The following OLFM3 variants were observed in gnomAD, a reference collection of about 807,000 sequenced individuals.
OLFM3 encodes olfactomedin 3.
Under a neutral mutation model 48.6 loss-of-function variants are expected in OLFM3, and 20 were observed. The ratio of observed to expected loss-of-function variants is 0.41; its 90% CI spans 0.29 to 0.60. The LOEUF (loss-of-function observed/expected upper bound fraction) is 0.60. OLFM3 is among the 20% of genes least tolerant of loss of function. The probability of loss-of-function intolerance (pLI) is 0.28; values close to 1 mark genes in which losing one functional copy is unlikely to be tolerated. For missense variants in OLFM3, 437 were observed against 544.3 expected (o/e 0.80, Z 1.96); for synonymous variants, 222 against 198.1 (o/e 1.12, Z -1.01).
intron 1 of OLFM3, among the ~76,000 whole-genome samples, chr1:101,856,290 G>A (rs1242285823): frequency 6.6e-6 from 1 of 151,954 alleles, no homozygotes; most frequent in Non-Finnish European, 1.5e-5. Context: ...ACAGTTTTAT[G>A]AGAGGTTGAC....
At chr1:101,949,869 G>A (rs976276955) in intron 1 of OLFM3, among the ~76,000 whole-genome samples, 3 of 147,192 alleles carry the variant, frequency 2.0e-5, no homozygotes. Context: ...GGCGGAGCTT[G>A]CAGTGAGCCG....
chr1:101,993,953 GAAAAA>G (rs11394644), intron 1 of OLFM3, among the ~76,000 whole-genome samples: 1 of 115,368 alleles, frequency 8.7e-6, no homozygotes, highest in Non-Finnish European at 1.9e-5. Flanking sequence ...TTCAGCGACA[GAAAAA>G]AAAAAAAAAG....
chr1:101,963,321 C>G lies in OLFM3; in HGVS notation c.69+33427G>C, dbSNP rs563541161. On this transcript the variant is annotated intron_variant, in intron 1 of 5. Coordinates refer to ENST00000370103, the MANE Select transcript of OLFM3 (RefSeq NM_058170.4). ...TCCAAAGCAGAAAATCAGCTTTTCCCTTGACCTCTAAATTCTTTTCAGGTG... is the reference window on the plus strand; with the variant it reads ...TCCAAAGCAGAAAATCAGCTTTTCCGTTGACCTCTAAATTCTTTTCAGGTG... Among the ~76,000 whole-genome samples the G allele has an allele frequency of 2.6e-3, 397 of 152,288 alleles. 3 individuals are homozygous for G. The highest frequency in any genetic ancestry group is 9.1e-3 in the African/African-American group (380 of 41,560).
intron 1 of OLFM3, among the ~76,000 whole-genome samples, chr1:101,890,122 A>T (rs890426123): frequency 6.6e-6 from 1 of 152,064 alleles, no homozygotes; most frequent in Admixed American, 6.6e-5. Context: ...GCTTTTAATG[A>T]TCTTGGAACA....
intron 1 of OLFM3, among the ~76,000 whole-genome samples, chr1:101,990,105 G>A (rs1288833403): frequency 6.6e-6 from 1 of 152,102 alleles, no homozygotes; most frequent in Non-Finnish European, 1.5e-5. Context: ...TCTTGATGCA[G>A]TTGGGCTTTG....
intron 2 of OLFM3, among the ~76,000 whole-genome samples, chr1:101,831,860 G>T (rs1353371673): frequency 6.6e-5 from 10 of 152,202 alleles, no homozygotes; most frequent in Non-Finnish European, 1.2e-4. Flanking sequence ...AAAAGCAAAT[G>T]TAAAGATCTT....
intron 1 of OLFM3, among the ~76,000 whole-genome samples, chr1:101,924,757 T>C (rs1303827644): frequency 6.6e-6 from 1 of 152,174 alleles, no homozygotes; most frequent in Non-Finnish European, 1.5e-5. Flanking sequence ...AACACTACAG[T>C]TCTGGAAATG....
At chr1:101,909,495 G>T (rs556339514) in intron 1 of OLFM3, among the ~76,000 whole-genome samples, 30 of 152,266 alleles carry the variant, frequency 2.0e-4, no homozygotes, top group African/African-American at 7.2e-4. Context: ...ACTAAGACCA[G>T]TTCACTATTT....
At chr1:101,990,509 T>C (rs1215518461) in intron 1 of OLFM3, among the ~76,000 whole-genome samples, 1 of 152,182 alleles carries the variant, frequency 6.6e-6, no homozygotes, top group East Asian at 1.9e-4. Context: ...TGCTGTTATA[T>C]TATTTCATTG....
At chr1:101,949,912 A>G (rs1660075826) in intron 1 of OLFM3, among the ~76,000 whole-genome samples, 2 of 135,376 alleles carry the variant, frequency 1.5e-5, no homozygotes, top group Non-Finnish European at 3.1e-5. Flanking sequence ...AGCCTGGGCA[A>G]CAGAGCAAGA....
At chr1:101,860,637 T>C (rs1656614477) in intron 1 of OLFM3, among the ~76,000 whole-genome samples, 1 of 152,062 alleles carries the variant, frequency 6.6e-6, no homozygotes, top group Non-Finnish European at 1.5e-5. Flanking sequence ...GTCAGACCAG[T>C]TCTCTCATAA....
chr1:101,944,976 T>C (rs7349121), intron 1 of OLFM3, among the ~76,000 whole-genome samples: 61,028 of 151,866 alleles, frequency 0.4, 12,546 homozygotes, highest in East Asian at 0.51. Context: ...GAAACAGAAA[T>C]TGAAACTACA....
At chr1:101,894,850 T>C (rs1345697557) in intron 1 of OLFM3, among the ~76,000 whole-genome samples, 1 of 152,164 alleles carries the variant, frequency 6.6e-6, no homozygotes, top group Non-Finnish European at 1.5e-5. Flanking sequence ...GTTCCTTCTT[T>C]AAGCTTTCCA....
intron 1 of OLFM3, among the ~76,000 whole-genome samples, chr1:101,882,070 AAG>A (rs1465803315): frequency 6.6e-6 from 1 of 151,160 alleles, no homozygotes; most frequent in Non-Finnish European, 1.5e-5. Context: ...AAAGAAAAAA[AAG>A]AAAATTTAGT....
intron 1 of OLFM3, among the ~76,000 whole-genome samples, chr1:101,857,775 G>A (rs1283266919): frequency 6.6e-6 from 1 of 151,840 alleles, no homozygotes; most frequent in Non-Finnish European, 1.5e-5. Flanking sequence ...ACTGAAGTAG[G>A]ATTTAAGTAT....
At chr1:101,830,883 C>T (rs2100911502) in intron 2 of OLFM3, 56 bp from the exon 3 acceptor site, 2 of 1,524,486 alleles carry the variant, frequency 1.3e-6, no homozygotes, top group Non-Finnish European at 1.8e-6. Flanking sequence ...TTTGTGCAAT[C>T]ACTAAGAAAT....
chr1:101,892,731 G>A (rs1658052993), intron 1 of OLFM3, among the ~76,000 whole-genome samples: 1 of 151,974 alleles, frequency 6.6e-6, no homozygotes. Context: ...TGTGGCTGAT[G>A]CCCAACTCTT....
At chr1:101,980,030 G>A (rs767569639) in intron 1 of OLFM3, among the ~76,000 whole-genome samples, 7 of 152,176 alleles carry the variant, frequency 4.6e-5, no homozygotes, top group African/African-American at 1.2e-4. Flanking sequence ...GGATTTCAGA[G>A]TTGGGTAGGG....
chr1:101,824,676 CAACAACAAA>C (rs752153954), intron 4 of OLFM3, among the ~76,000 whole-genome samples: 26 of 121,608 alleles, frequency 2.1e-4, no homozygotes, highest in Non-Finnish European at 4.1e-4. Context: ...ACAACAACAA[CAACAACAAA>C]AAACAGTTTC....
Sources: allele counts gnomAD v4.1 joint callset (sites outside exome capture counted in the v4.1 genomes callset), GRCh38; gene constraint gnomAD v4.1.1; transcripts MANE v1.5; gene names NCBI Gene and HGNC (gene_info 2026-07-23, HGNC 2026-07-21).